Variants in CCDC39 observed in about 807,000 individuals in gnomAD.
CCDC39 encodes the protein coiled-coil domain-containing protein 39.
In CCDC39, 113 loss-of-function variants were observed where a neutral mutation model predicts 121.0. That is an observed-to-expected ratio of 0.93 (90% CI 0.80 to 1.09). The LOEUF (loss-of-function observed/expected upper bound fraction) is 1.09, where lower values mean the gene tolerates loss of function less well. Ranked by LOEUF, CCDC39 falls within the 50% of genes least tolerant of loss-of-function variation. The probability of loss-of-function intolerance (pLI) is 0.00; values close to 1 mark genes in which losing one functional copy is unlikely to be tolerated. For synonymous variants in CCDC39, 349 were observed against 352.2 expected, an observed-to-expected ratio of 0.99 and a Z score of 0.10; for missense variants, 1,063 against 1,074.7, an observed-to-expected ratio of 0.99 and a Z score of 0.15.
At chr3:180,636,540 G>C (rs1340841507) in intron 13 of CCDC39, among the ~76,000 whole-genome samples, 2 of 147,174 alleles carry the variant, frequency 1.4e-5, no homozygotes, top group African/African-American at 5.0e-5. Flanking sequence ...TGTTATTTCT[G>C]TCAAACTACC....
chr3:180,678,732 T>G (rs1295742048), intron 1 of CCDC39, among the ~76,000 whole-genome samples: 1 of 152,138 alleles, frequency 6.6e-6, no homozygotes, highest in Non-Finnish European at 1.5e-5. Context: ...ATTTCTTATG[T>G]TAATCTGTGA....
chr3:180,616,448 T>A lies in CCDC39; in HGVS notation c.2586+68A>T. Reference sequence around the variant, plus strand: ...TTTTTAATTAGCTTTCACTTCATGATGAATGTCATGAAAGTTTTTATTTTC... The same window carrying A: ...TTTTTAATTAGCTTTCACTTCATGAAGAATGTCATGAAAGTTTTTATTTTC... On this transcript the variant is annotated intron_variant, in intron 18 of 19. Transcript: ENST00000476379. The A allele has an allele frequency of 1.3e-6, 2 of 1,490,754 alleles. 1 individual carries two copies. Among genetic ancestry groups the A allele is most frequent in the South Asian group, 2.7e-5 (2 of 73,750 alleles). The allele number at this position is 1,490,754 out of a possible 1,614,324, so 92.3% of individuals were successfully genotyped here.
chr3:180,661,823 C>A (rs1164672227), intron 3 of CCDC39, 38 bp downstream of exon 3: 6 of 1,528,566 alleles, frequency 3.9e-6, no homozygotes, highest in South Asian at 2.5e-5. Context: ...GAAGAATGAG[C>A]AGTAGCACAG....
chr3:180,618,593 A>G (rs540395388), intron 16 of CCDC39, among the ~76,000 whole-genome samples: 1 of 152,002 alleles, frequency 6.6e-6, no homozygotes, highest in South Asian at 2.1e-4. Context: ...GTGTGTGATG[A>G]TCCCCTTCCT....
At chr3:180,618,529 G>A (rs554851410) in intron 16 of CCDC39, among the ~76,000 whole-genome samples, 4 of 151,950 alleles carry the variant, frequency 2.6e-5, no homozygotes, top group Non-Finnish European at 5.9e-5. Flanking sequence ...TTAACATTAG[G>A]TATATCTCCT....
rs74372590 is a variant in CCDC39, at chr3:180,678,023, G to A, written c.90+1268C>T. 9.6e-3 allele frequency among the ~76,000 whole-genome samples: 1,462 copies of A among 152,142 alleles called. 28 individuals carry two copies. Among genetic ancestry groups the A allele is most frequent in the African/African-American group, 0.031 (1,281 of 41,484 alleles). On this transcript the variant is annotated intron_variant, in intron 1 of 19. Coordinates refer to ENST00000476379, the MANE Select transcript of CCDC39 (RefSeq NM_181426.2). ...CTTAATATGTACATAAAAATCCTGT[G>A]TGACACATATTATGGCAAGAATACT...
In CCDC39 at chr3:180,679,485, T is replaced by C. The variant is rs2292895; in HGVS notation, c.-105A>G. ...AGGCACCTGCACAGTGCCGCGGCAA[T>C]TGCCGGGGGAGCCCTAGCAACCTTC... On this transcript the variant is annotated 5_prime_UTR_variant, in exon 1 of 20. Transcript: ENST00000476379. The surrounding 1 kb of genome is among the most constrained non-coding windows in gnomAD (Gnocchi z 4.0). 1.1e-4 allele frequency: 121 copies of C among 1,083,776 alleles called. 1 individual carries two copies. The East Asian group carries it at 2.8e-3, about 25-fold the overall frequency. 67.1% of individuals were successfully genotyped at this position (1,083,776 alleles called of 1,614,324 possible).
Position 180,652,177 on chromosome 3 carries a change from A to G in CCDC39, c.1020T>C (p.His340=), listed in dbSNP as rs1256516698. Residue 340 remains histidine, a synonymous_variant, in exon 8 of 20, where the codon CAT becomes CAC. Coordinates refer to ENST00000476379, the MANE Select transcript of CCDC39 (RefSeq NM_181426.2). The part of the protein sequence containing the change: ...KNISKIKKDI[H]EETARLQKTK... ...TTTTTTCTTACCTTGCTGTTTCTTC[A>G]TGAATGTCCTTCTTTATCTTGGAAA... The G allele has an allele frequency of 7.3e-6, 11 of 1,515,714 alleles. No individual in the cohort carries two copies. Among genetic ancestry groups the G allele is most frequent in the Admixed American group, 2.1e-5 (1 of 47,156 alleles). 93.9% of individuals were successfully genotyped at this position (1,515,714 alleles called of 1,614,324 possible).
chr3:180,632,734 A>G (rs1310061970), intron 13 of CCDC39, among the ~76,000 whole-genome samples: 1 of 152,190 alleles, frequency 6.6e-6, no homozygotes, highest in African/African-American at 2.4e-5. Context: ...CGGAAAAAAA[A>G]TAGACACACA....
At chr3:180,670,002 T>C (rs371954156) in intron 1 of CCDC39, among the ~76,000 whole-genome samples, 1 of 152,268 alleles carries the variant, frequency 6.6e-6, no homozygotes, top group African/African-American at 2.4e-5. Context: ...TCATCATTGT[T>C]CCTGGCACAT....
rs562696609 is a variant in CCDC39, at chr3:180,664,185, G to A, written c.91-199C>T. ...AAATTCCTCACAGTTCTGAAGGCTA[G>A]GAAGTCCAGGATCAAGGTGCCAACT... On this transcript the variant is annotated intron_variant, in intron 1 of 19. Transcript: ENST00000476379. Among the ~76,000 whole-genome samples the A allele has an allele frequency of 4.6e-4, 70 of 152,302 alleles. No individual in the cohort carries two copies. In the South Asian group the frequency reaches 0.012, roughly 27 times the overall value.
intron 14 of CCDC39, among the ~76,000 whole-genome samples, chr3:180,629,064 A>G (rs1308352667): frequency 1.3e-5 from 2 of 152,234 alleles, no homozygotes; most frequent in Non-Finnish European, 2.9e-5. Context: ...CCCAGCAGTG[A>G]AAATGCCAAG....
At chr3:180,677,143 TATA>T (rs1360650472) in intron 1 of CCDC39, among the ~76,000 whole-genome samples, 88 of 110,150 alleles carry the variant, frequency 8.0e-4, no homozygotes, top group African/African-American at 1.5e-3. Flanking sequence ...CTTAAAGTAT[TATA>T]ATAATAATAA....
chr3:180,661,603 A>T (rs565435582), intron 3 of CCDC39, among the ~76,000 whole-genome samples: 19 of 152,272 alleles, frequency 1.2e-4, no homozygotes, highest in African/African-American at 4.3e-4. Context: ...ATTTTATAAC[A>T]GGCAGCAAGC....
chr3:180,632,361 G>C (rs1717721023), intron 13 of CCDC39, among the ~76,000 whole-genome samples: 1 of 152,102 alleles, frequency 6.6e-6, no homozygotes, highest in African/African-American at 2.4e-5. Flanking sequence ...GCAATATGGA[G>C]AGTGCCTCAA....
In CCDC39 at chr3:180,639,323, A is replaced by G. The variant is rs969705956; in HGVS notation, c.1874+2670T>C. Reference sequence around the variant, plus strand: ...CAGTGTCTGTGGCTGCTTTCAGTCTACAATGACAGAGTTGAGTGAGTTGAG... The same window carrying G: ...CAGTGTCTGTGGCTGCTTTCAGTCTGCAATGACAGAGTTGAGTGAGTTGAG... On this transcript the variant is annotated intron_variant, in intron 13 of 19. Coordinates refer to ENST00000476379, the MANE Select transcript of CCDC39 (RefSeq NM_181426.2). Among the ~76,000 whole-genome samples, 12 of 152,298 alleles carry G rather than the reference A, an allele frequency of 7.9e-5. No homozygotes were observed. The East Asian group carries it at 2.3e-3, about 29-fold the overall frequency.
At position 180,617,248 on chromosome 3, in the gene CCDC39, C is replaced by T. The variant is rs148406139; in HGVS notation, c.2266-282G>A. ...AGTTTGTGGTGATGGCTGGTGTAAA[C>T]AAACCTGCATTGCCAGTCATATAAA... On this transcript the variant is annotated intron_variant, in intron 16 of 19. Coordinates refer to ENST00000476379, the MANE Select transcript of CCDC39 (RefSeq NM_181426.2). The T allele has an allele frequency of 1.4e-3, 660 of 473,844 alleles. 7 individuals carry two copies. The highest frequency in any genetic ancestry group is 0.012 in the African/African-American group (595 of 50,030). The allele number at this position is 473,844 out of a possible 1,614,324, so 29.4% of individuals were successfully genotyped here.
Position 180,661,846 on chromosome 3 carries a change from T to C in CCDC39, c.357+15A>G, listed in dbSNP as rs1397543152. 6.4e-7 allele frequency: 1 copy of C among 1,565,062 alleles called. No homozygotes were observed. The highest frequency in any genetic ancestry group is 1.9e-5 in the Admixed American group (1 of 52,802). On this transcript the variant is annotated intron_variant, in intron 3 of 19. Coordinates refer to ENST00000476379, the MANE Select transcript of CCDC39 (RefSeq NM_181426.2). ...AGCAGTAGCACAGAATTTTAAGTAA[T>C]ATTTCAACATATACTTCTTTATCAC...
Position 180,614,582 on chromosome 3 carries a change from C to T in CCDC39, c.*339G>A, listed in dbSNP as rs1717157062. On this transcript the variant is annotated 3_prime_UTR_variant, in exon 20 of 20. Coordinates refer to ENST00000476379, the MANE Select transcript of CCDC39 (RefSeq NM_181426.2). The stretch of plus-strand genomic sequence containing the variant: ...TAGTACAGTAAATCTTTAGAAATTT[C>T]TTCTTGAAAGATTGTTACATTAGAA... 1 of 201,900 alleles carries T rather than the reference C, an allele frequency of 5.0e-6. No homozygotes were observed. Among genetic ancestry groups the T allele is most frequent in the Non-Finnish European group, 9.9e-6 (1 of 100,848 alleles). 12.5% of individuals were successfully genotyped at this position (201,900 alleles called of 1,614,324 possible). A position where few individuals can be genotyped will look rare whatever the true frequency, so the allele number is the denominator to read the frequency against.
Sources: gnomAD v4.1 joint callset for allele counts (sites outside exome capture counted in the v4.1 genomes callset) on GRCh38, gnomAD v4.1.1 for gene constraint, Gnocchi (gnomAD v3.1) non-coding constraint, MANE v1.5 for transcripts, NCBI Gene and HGNC (gene_info 2026-07-23, HGNC 2026-07-21) for gene names.